MGST3: variants seen among roughly 807,000 people sequenced by gnomAD.
MGST3 encodes microsomal glutathione S-transferase 3, also known as glutathione S-transferase 3, mitochondrial.
Under a neutral mutation model 15.8 loss-of-function variants are expected in MGST3, and 13 were observed. The ratio of observed to expected loss-of-function variants is 0.82; its 90% confidence interval spans 0.54 to 1.31. The LOEUF is 1.31. Among genes scored for constraint, MGST3 ranks in the 50% most tolerant of loss-of-function variants. The pLI is 0.00. For missense variants in MGST3, 155 were observed against 192.4 expected (o/e 0.81, Z 1.15); for synonymous variants, 49 against 68.1 (o/e 0.72, Z 1.38).
intron 1 of MGST3, chr1:165,637,186 G>A (rs1342051684): frequency 7.0e-6 from 1 of 142,598 alleles, no homozygotes; most frequent in Non-Finnish European, 1.5e-5. Context: ...TCCCATCCCT[G>A]GACACATTAA....
chr1:165,645,333 T>TATCC, intron 1 of MGST3, among the ~76,000 whole-genome samples: 2 of 152,288 alleles, frequency 1.3e-5, no homozygotes, highest in East Asian at 3.9e-4. Context: ...GGATCATCAG[T>TATCC]ATCCGTCTTC....
At chr1:165,650,715 C>T (rs1036204052) in intron 2 of MGST3, 9 of 409,478 alleles carry the variant, frequency 2.2e-5, no homozygotes, top group Non-Finnish European at 3.7e-5. Context: ...ATCTGAAATC[C>T]ACCATTGATG....
At chr1:165,651,472 T>C in intron 3 of MGST3, 1 of 348,352 alleles carries the variant, frequency 2.9e-6, no homozygotes. Flanking sequence ...TGTGAGGTCC[T>C]TTTACTCAGC....
intron 2 of MGST3, chr1:165,650,459 A>T (rs1286073606): frequency 2.6e-5 from 5 of 194,588 alleles, no homozygotes; most frequent in African/African-American, 4.7e-5. Flanking sequence ...TAATTACCAA[A>T]GTTGTCCCTG....
chr1:165,652,441 GC>G, intron 4 of MGST3, among the ~76,000 whole-genome samples: 1 of 151,322 alleles, frequency 6.6e-6, no homozygotes, highest in Non-Finnish European at 1.5e-5. Context: ...CATAGAGCTT[GC>G]CTTTTTGTTG....
intron 2 of MGST3, 127 bp from the exon 3 acceptor site, chr1:165,650,887 T>G (rs1218377575): frequency 5.1e-6 from 4 of 791,220 alleles, no homozygotes; most frequent in Non-Finnish European, 8.9e-6. Context: ...AAGCAGAAAT[T>G]GAATGGTCAT....
At chr1:165,651,471 CT>C in intron 3 of MGST3, 1 of 349,970 alleles carries the variant, frequency 2.9e-6, no homozygotes, top group East Asian at 7.1e-5. Flanking sequence ...ATGTGAGGTC[CT>C]TTTACTCAGC....
intron 1 of MGST3, among the ~76,000 whole-genome samples, chr1:165,633,740 G>A (rs757152443): frequency 1.5e-4 from 23 of 151,732 alleles, no homozygotes; most frequent in Non-Finnish European, 3.1e-4. Context: ...AAATTACCAA[G>A]TGGTGTCAAT....
chr1:165,631,729 CAGT>C (rs1647950926), intron 1 of MGST3, among the ~76,000 whole-genome samples: 1 of 152,164 alleles, frequency 6.6e-6, no homozygotes, highest in Non-Finnish European at 1.5e-5. Flanking sequence ...CAGGCCTGAT[CAGT>C]AACACTGGTT....
At position 165,655,265 on chromosome 1, in the gene MGST3, C is replaced by T. The variant is rs960809185; in HGVS notation, c.323-103C>T. On this transcript the variant is annotated intron_variant, in intron 5 of 5. Transcript: ENST00000367889. ...AGTTAACCTCCTAAGGCCAGTTTGT[C>T]TAATGTACAACCTCAGATGCGATGA... The T allele has an allele frequency of 2.0e-6, 3 of 1,473,666 alleles. No individual in the cohort carries two copies. The Admixed American group carries it at 5.5e-5, about 27-fold the overall frequency. The allele number at this position is 1,473,666 out of a possible 1,614,324, so 91.3% of individuals were successfully genotyped here. A position where few individuals can be genotyped will look rare whatever the true frequency, so the allele number is the denominator to read the frequency against.
At position 165,655,639 on chromosome 1, in the gene MGST3, C is replaced by A; in HGVS notation, c.*135C>A. On this transcript the variant is annotated 3_prime_UTR_variant, in exon 6 of 6. Transcript: ENST00000367889. ...CCTAAAACTCCTGACTCTTACCACT[C>A]ATTTCCGTTTGAGTCTGTATCTGAA... is the stretch of plus-strand genomic sequence containing the variant. The A allele has an allele frequency of 1.9e-6, 2 of 1,079,606 alleles. No homozygotes were observed. Among genetic ancestry groups the A allele is most frequent in the Non-Finnish European group, 2.7e-6 (2 of 741,240 alleles). The allele number at this position is 1,079,606 out of a possible 1,614,324, so 66.9% of individuals were successfully genotyped here.
intron 1 of MGST3, chr1:165,635,957 A>G (rs1360157447): frequency 1.3e-5 from 2 of 152,244 alleles, no homozygotes; most frequent in Admixed American, 1.3e-4. Flanking sequence ...TCTACTGAAT[A>G]TGCAATGCAA....
chr1:165,645,526 T>C (rs1385314755), intron 1 of MGST3: 1 of 152,244 alleles, frequency 6.6e-6, no homozygotes, highest in Non-Finnish European at 1.5e-5. Flanking sequence ...AAAAGTATAG[T>C]ATAGTAACTA....
At chr1:165,647,113 C>G (rs990393156) in intron 1 of MGST3, 19 of 152,208 alleles carry the variant, frequency 1.2e-4, no homozygotes, top group African/African-American at 4.3e-4. Context: ...GTTGCTGGCT[C>G]TGCTTGTCAT....
intron 4 of MGST3, chr1:165,654,029 A>G: frequency 2.1e-6 from 1 of 475,584 alleles, no homozygotes; most frequent in East Asian, 4.4e-5. Context: ...GATTCCTTCT[A>G]TCCCACCTGT....
intron 1 of MGST3, among the ~76,000 whole-genome samples, chr1:165,633,012 T>C (rs1647995111): frequency 6.6e-6 from 1 of 152,236 alleles, no homozygotes; most frequent in Non-Finnish European, 1.5e-5. Flanking sequence ...TCTGAATCTA[T>C]ATTTAGAACA....
chr1:165,651,558 G>C (rs780965112), intron 3 of MGST3: 1 of 298,566 alleles, frequency 3.3e-6, no homozygotes, highest in Non-Finnish European at 6.4e-6. Flanking sequence ...TCCCTGCGGT[G>C]AATGTTTATT....
intron 1 of MGST3, chr1:165,637,144 C>T (rs190448817): frequency 1.8e-4 from 28 of 152,214 alleles, no homozygotes; most frequent in African/African-American, 6.7e-4. Context: ...TGGAGAATGG[C>T]TTCAAGTTAA....
At chr1:165,646,893 C>G (rs1475276491) in intron 1 of MGST3, 1 of 152,288 alleles carries the variant, frequency 6.6e-6, no homozygotes, top group Non-Finnish European at 1.5e-5. Flanking sequence ...TGCTGCCCTT[C>G]TCGCAGGCAG....
Sources: gnomAD v4.1 joint callset for allele counts (sites outside exome capture counted in the v4.1 genomes callset) on GRCh38, gnomAD v4.1.1 for gene constraint, MANE v1.5 for transcripts, NCBI Gene and HGNC (gene_info 2026-07-23, HGNC 2026-07-21) for gene names.